The following MEIS2 variants were observed in gnomAD, a reference collection of about 807,000 sequenced individuals.
MEIS2 encodes the protein homeobox protein Meis2.
Under a neutral mutation model 58.6 loss-of-function variants are expected in MEIS2, and 9 were observed. The ratio of observed to expected loss-of-function variants is 0.15; its 90% confidence interval spans 0.09 to 0.27. The LOEUF (loss-of-function observed/expected upper bound fraction) is 0.27, where lower values mean the gene tolerates loss of function less well. Among genes scored for constraint, MEIS2 ranks in the 10% least tolerant of loss-of-function variants. The probability of loss-of-function intolerance (pLI) is 1.00; values close to 1 mark genes in which losing one functional copy is unlikely to be tolerated. For synonymous variants in MEIS2, 221 were observed against 228.4 expected, an observed-to-expected ratio of 0.97 and a Z score of 0.29; for missense variants, 427 against 635.0, an observed-to-expected ratio of 0.67 and a Z score of 3.52.
chr15:36,892,534 A>AC, intron 11 of MEIS2, 75 bp from the exon 12 acceptor site: 120 of 1,086,504 alleles, frequency 1.1e-4, no homozygotes, highest in Non-Finnish European at 1.2e-4. Flanking sequence ...AAAGATGAAA[A>AC]GAAAAAAAAA....
chr15:37,047,894 CTG>C (rs1285996600), intron 7 of MEIS2, among the ~76,000 whole-genome samples: 1 of 152,186 alleles, frequency 6.6e-6, no homozygotes, highest in Non-Finnish European at 1.5e-5. Flanking sequence ...TCTCATGTAA[CTG>C]TAAATATAAA....
At position 37,074,652 on chromosome 15, in the gene MEIS2, G is replaced by A. The variant is rs191982197; in HGVS notation, c.754+9119C>T. Among the ~76,000 whole-genome samples the A allele has an allele frequency of 1.1e-4, 17 of 152,018 alleles. No homozygotes were observed. In the South Asian group the frequency reaches 2.9e-3, roughly 26 times the overall value. The stretch of plus-strand genomic sequence containing the variant: ...GAGAGAGAGTAATAAAGGAACCAAC[G>A]GTTACTGGTTCCAGGCAATGTTATT... On this transcript the variant is annotated intron_variant, in intron 7 of 11. Coordinates refer to ENST00000561208, the MANE Select transcript of MEIS2 (RefSeq NM_170675.5).
chr15:37,099,498 T>A lies in MEIS2; in HGVS notation c.-32A>T, dbSNP rs763762125. ...GCGCTCCAATAAACTCCTGGATGTG[T>A]CGTATATTTAATATCCCAGTCCGGA... On this transcript the variant is annotated 5_prime_UTR_variant, in exon 1 of 12. Coordinates refer to ENST00000561208, the MANE Select transcript of MEIS2 (RefSeq NM_170675.5). The A allele has an allele frequency of 9.3e-6, 15 of 1,613,706 alleles. No individual in the cohort carries two copies. The highest frequency in any genetic ancestry group is 1.3e-5 in the Non-Finnish European group (15 of 1,179,950).
chr15:37,057,009 TG>T (rs958520763), intron 7 of MEIS2, among the ~76,000 whole-genome samples: 2 of 152,162 alleles, frequency 1.3e-5, no homozygotes, highest in African/African-American at 4.8e-5. Context: ...AGAAATGAGT[TG>T]TACTAATGAC....
chr15:36,928,329 A>G (rs115342083), intron 9 of MEIS2, among the ~76,000 whole-genome samples: 2,396 of 152,322 alleles, frequency 0.016, 69 homozygotes, highest in African/African-American at 0.053. Flanking sequence ...AAACAACAAC[A>G]GTAACAAGAG....
intron 8 of MEIS2, among the ~76,000 whole-genome samples, chr15:37,024,469 C>G (rs1197555735): frequency 1.3e-5 from 2 of 152,210 alleles, no homozygotes; most frequent in Non-Finnish European, 2.9e-5. Context: ...CCATTTTCAG[C>G]TTCCACAGAA....
chr15:36,962,028 A>C (rs2059199991), intron 8 of MEIS2, among the ~76,000 whole-genome samples: 1 of 152,216 alleles, frequency 6.6e-6, no homozygotes. Context: ...AAAAGGACAA[A>C]TTTTTAATGC....
At chr15:37,098,259 G>A in intron 1 of MEIS2, 60 bp from the exon 2 acceptor site, 9 of 1,478,552 alleles carry the variant, frequency 6.1e-6, no homozygotes, top group Non-Finnish European at 8.1e-6. Flanking sequence ...GAGGAGGGGG[G>A]TGGAAAGGGA....
intron 10 of MEIS2, 110 bp from the exon 11 acceptor site, chr15:36,895,371 C>A: frequency 1.1e-6 from 1 of 893,838 alleles, no homozygotes; most frequent in Non-Finnish European, 1.7e-6. Flanking sequence ...ATGTGGTTGG[C>A]ACTCTACAAA....
intron 8 of MEIS2, among the ~76,000 whole-genome samples, chr15:36,967,991 T>C (rs181415315): frequency 6.6e-6 from 1 of 152,326 alleles, no homozygotes; most frequent in Admixed American, 6.5e-5. Flanking sequence ...ATGGAGGTAC[T>C]TGTTAAGAGT....
intron 8 of MEIS2, among the ~76,000 whole-genome samples, chr15:37,035,533 T>C (rs1285903404): frequency 6.6e-6 from 1 of 152,160 alleles, no homozygotes; most frequent in African/African-American, 2.4e-5. Context: ...GCATGTTCTG[T>C]CTAATTCCTC....
intron 6 of MEIS2, among the ~76,000 whole-genome samples, chr15:37,086,207 A>T (rs1485099843): frequency 6.6e-6 from 1 of 152,190 alleles, no homozygotes; most frequent in African/African-American, 2.4e-5. Flanking sequence ...GGCAAATGTC[A>T]TCCAATAGCT....
intron 9 of MEIS2, among the ~76,000 whole-genome samples, chr15:36,934,194 C>A (rs2058081530): frequency 6.6e-6 from 1 of 151,928 alleles, no homozygotes; most frequent in Non-Finnish European, 1.5e-5. Flanking sequence ...GAAATACATG[C>A]CAGCATAATT....
chr15:37,040,089 T>C (rs1028824359), intron 7 of MEIS2, among the ~76,000 whole-genome samples: 1 of 151,258 alleles, frequency 6.6e-6, no homozygotes, highest in African/African-American at 2.4e-5. Context: ...TGTGTGTGTG[T>C]GTGTGTGGTT....
At chr15:36,987,003 G>A (rs1201630234) in intron 8 of MEIS2, among the ~76,000 whole-genome samples, 4 of 152,082 alleles carry the variant, frequency 2.6e-5, no homozygotes, top group East Asian at 1.9e-4. Flanking sequence ...GCTTGATGAT[G>A]GTAAAGTGTG....
At chr15:36,929,193 CAACTT>C (rs2141324085) in intron 9 of MEIS2, among the ~76,000 whole-genome samples, 1 of 152,274 alleles carries the variant, frequency 6.6e-6, no homozygotes, top group South Asian at 2.1e-4. Flanking sequence ...AGAAATCTCT[CAACTT>C]AAAGACATGT....
rs12439481 is a variant in MEIS2 at position 36,958,118 on chromosome 15, C to T, written c.901-7718G>A. On this transcript the variant is annotated intron_variant, in intron 8 of 11. Coordinates refer to ENST00000561208, the MANE Select transcript of MEIS2 (RefSeq NM_170675.5). The stretch of plus-strand genomic sequence containing the variant: ...ATAGATTGAATTATAATAATAGCCT[C>T]CTATAGAATTCAGAAAAGGTTTGAG... Among the ~76,000 whole-genome samples the T allele has an allele frequency of 4.8e-3, 737 of 152,132 alleles. 18 individuals are homozygous for T. The East Asian group carries it at 0.062, about 13-fold the overall frequency.
At chr15:37,014,911 A>G (rs977933778) in intron 8 of MEIS2, among the ~76,000 whole-genome samples, 2 of 150,586 alleles carry the variant, frequency 1.3e-5, no homozygotes, top group Non-Finnish European at 2.9e-5. Context: ...ACAGATTGGG[A>G]TAAAAGGAAA....
intron 11 of MEIS2, among the ~76,000 whole-genome samples, chr15:36,894,186 C>T (rs951998092): frequency 5.9e-5 from 9 of 152,056 alleles, no homozygotes; most frequent in Non-Finnish European, 1.2e-4. Flanking sequence ...CAAAACACAC[C>T]GACTCCCTAG....
Sources: gnomAD v4.1 joint callset for allele counts (sites outside exome capture counted in the v4.1 genomes callset) on GRCh38, gnomAD v4.1.1 for gene constraint, MANE v1.5 for transcripts, NCBI Gene and HGNC (gene_info 2026-07-23, HGNC 2026-07-21) for gene names.